ROBO1: variants seen among roughly 807,000 people sequenced by gnomAD.
ROBO1 encodes roundabout homolog 1.
A neutral mutation model predicts 195.9 loss-of-function variants in ROBO1; 149 were observed. The ratio of observed to expected loss-of-function variants is 0.76; its 90% CI spans 0.67 to 0.87. ROBO1 has a LOEUF of 0.87. Ranked by LOEUF, ROBO1 falls within the 40% of genes least tolerant of loss-of-function variation. The probability of loss-of-function intolerance (pLI) is 0.00; values close to 1 mark genes in which losing one functional copy is unlikely to be tolerated. For missense variants in ROBO1, 1,933 were observed against 2,068.3 expected (o/e 0.93, Z 1.27); for synonymous variants, 816 against 733.2 (o/e 1.11, Z -1.82).
intron 4 of ROBO1, among the ~76,000 whole-genome samples, chr3:78,931,594 A>ATT (rs1175640709): frequency 6.6e-6 from 1 of 152,050 alleles, no homozygotes; most frequent in Non-Finnish European, 1.5e-5. Context: ...CAACAGAAGA[A>ATT]CTTTTATCCA....
At chr3:79,432,212 C>T (rs1303933923) in intron 2 of ROBO1, among the ~76,000 whole-genome samples, 2 of 152,066 alleles carry the variant, frequency 1.3e-5, no homozygotes, top group East Asian at 1.9e-4. Context: ...ACAGGCATCT[C>T]TTAGAGTGTC....
At chr3:78,880,428 C>A (rs992193720) in intron 4 of ROBO1, among the ~76,000 whole-genome samples, 1 of 151,960 alleles carries the variant, frequency 6.6e-6, no homozygotes, top group African/African-American at 2.4e-5. Context: ...AGGAACCCAT[C>A]GTCACTTACT....
chr3:79,109,956 T>G (rs2079855572), intron 3 of ROBO1, among the ~76,000 whole-genome samples: 1 of 152,150 alleles, frequency 6.6e-6, no homozygotes, highest in South Asian at 2.1e-4. Flanking sequence ...ACATGCTGAC[T>G]TGGCAATTAT....
intron 1 of ROBO1, among the ~76,000 whole-genome samples, chr3:79,682,681 T>C (rs1376568038): frequency 6.6e-6 from 1 of 152,016 alleles, no homozygotes; most frequent in Non-Finnish European, 1.5e-5. Flanking sequence ...GTAAACAAGA[T>C]GGTTATAGTA....
At chr3:79,685,105 T>A in intron 1 of ROBO1, among the ~76,000 whole-genome samples, 1 of 152,172 alleles carries the variant, frequency 6.6e-6, no homozygotes, top group East Asian at 1.9e-4. Context: ...ACCAATTGTG[T>A]AAAAAATATG....
chr3:78,834,332 C>T (rs953570077), intron 4 of ROBO1, among the ~76,000 whole-genome samples: 6 of 151,086 alleles, frequency 4.0e-5, no homozygotes, highest in South Asian at 2.1e-4. Flanking sequence ...TTGGTGGGAA[C>T]GGCTTAGGTG....
Position 79,192,502 on chromosome 3 carries a change from G to A in ROBO1, c.89-66963C>T, listed in dbSNP as rs1297891845. 2.0e-5 allele frequency among the ~76,000 whole-genome samples: 3 copies of A among 151,674 alleles called. No homozygotes were observed. In the Admixed American group the frequency reaches 2.0e-4, roughly 10 times the overall value. On this transcript the variant is annotated intron_variant, in intron 2 of 30. Transcript: ENST00000464233. ...TCAGAAAAGTCTGCTCTAAGGAAATGAGGTATGAGCTGAGATACAAACAAT... is the reference window on the plus strand; with the variant it reads ...TCAGAAAAGTCTGCTCTAAGGAAATAAGGTATGAGCTGAGATACAAACAAT...
chr3:79,161,337 A>C (rs2108664302), intron 2 of ROBO1, among the ~76,000 whole-genome samples: 1 of 151,680 alleles, frequency 6.6e-6, no homozygotes, highest in East Asian at 1.9e-4. Context: ...AAACAAGTCA[A>C]GTTGATGTAT....
chr3:79,625,518 A>G (rs1009081860), intron 1 of ROBO1, among the ~76,000 whole-genome samples: 2 of 151,546 alleles, frequency 1.3e-5, no homozygotes, highest in Admixed American at 6.6e-5. Flanking sequence ...TTAAAAAGAC[A>G]AAGGAATATC....
chr3:79,170,735 T>C lies in ROBO1; in HGVS notation c.89-45196A>G, dbSNP rs2081151210. On this transcript the variant is annotated intron_variant, in intron 2 of 30. Transcript: ENST00000464233. Reference sequence around the variant, plus strand: ...TTTTTTTTTCTCTTAGGAATTTAAATACATGTTAAATAAGCCTGCCAGTAA... The same window carrying C: ...TTTTTTTTTCTCTTAGGAATTTAAACACATGTTAAATAAGCCTGCCAGTAA... 1.3e-5 allele frequency among the ~76,000 whole-genome samples: 2 copies of C among 152,092 alleles called. 1 individual carries two copies. Among genetic ancestry groups the C allele is most frequent in the South Asian group, 4.1e-4 (2 of 4,836 alleles).
intron 3 of ROBO1, among the ~76,000 whole-genome samples, chr3:78,955,417 T>C (rs1182936228): frequency 6.6e-6 from 1 of 152,124 alleles, no homozygotes; most frequent in East Asian, 1.9e-4. Context: ...TTTGTGTCCA[T>C]GTGTTCTCAT....
rs767826126 is a variant in ROBO1, at chr3:78,668,486, T to C, written c.1628A>G (p.Gln543Arg). ...EATWSAYIEV[Q>R]EFGVPVQPPR... ...GGGAAACACACCATTTACTTTACCT[T>C]GAACTTCAATGTAAGCACTCCATGT... The change falls in exon 12 of 31, where the codon CAA (glutamine) becomes CGA (arginine). Residue 543 changes from glutamine to arginine, a missense_variant and splice_region_variant. Gln to Arg is a conservative substitution (Grantham distance 43, BLOSUM62 1). Around this residue, in one of 3 missense-constraint regions of ROBO1, gnomAD observed 1,737 missense variants for 1,882.5 expected, o/e 0.92. Coordinates refer to ENST00000464233, the MANE Select transcript of ROBO1 (RefSeq NM_002941.4). 1.2e-6 allele frequency: 2 copies of C among 1,613,834 alleles called. No homozygotes were observed. The highest frequency in any genetic ancestry group is 2.2e-5 in the South Asian group (2 of 91,084).
chr3:78,846,358 A>G (rs1445226727), intron 4 of ROBO1, among the ~76,000 whole-genome samples: 12 of 152,062 alleles, frequency 7.9e-5, no homozygotes, highest in Non-Finnish European at 1.6e-4. Context: ...CCATGTTTTT[A>G]TTTTACTGAT....
chr3:79,298,000 C>T (rs971614172), intron 2 of ROBO1, among the ~76,000 whole-genome samples: 1 of 151,902 alleles, frequency 6.6e-6, no homozygotes, highest in Non-Finnish European at 1.5e-5. Flanking sequence ...AGTTCAATGT[C>T]TGGGACTTTA....
chr3:79,422,797 C>A (rs2038283266), intron 2 of ROBO1, among the ~76,000 whole-genome samples: 2 of 152,062 alleles, frequency 1.3e-5, no homozygotes, highest in Admixed American at 1.3e-4. Flanking sequence ...TGTGGTAGTG[C>A]AATATAAAAG....
chr3:79,149,668 C>T (rs2080726075), intron 2 of ROBO1, among the ~76,000 whole-genome samples: 1 of 151,634 alleles, frequency 6.6e-6, no homozygotes, highest in Non-Finnish European at 1.5e-5. Flanking sequence ...TTCTATACTC[C>T]TATAATTAGG....
rs915402211 is a variant in ROBO1, at chr3:79,698,737, A to T, written c.-51+69015T>A. ...TTAATAGAGAGAAAGTATTGCTGGC[A>T]CAATAAAATTTTTTGAGAAATTGAA... On this transcript the variant is annotated intron_variant, in intron 1 of 30. Coordinates refer to ENST00000464233, the MANE Select transcript of ROBO1 (RefSeq NM_002941.4). Among the ~76,000 whole-genome samples the T allele has an allele frequency of 9.2e-5, 14 of 151,594 alleles. No homozygotes were observed. The East Asian group carries it at 2.7e-3, about 29-fold the overall frequency.
chr3:79,471,503 T>C (rs894517899), intron 2 of ROBO1, among the ~76,000 whole-genome samples: 4 of 152,144 alleles, frequency 2.6e-5, no homozygotes, highest in Non-Finnish European at 5.9e-5. Flanking sequence ...CACTATACTA[T>C]GTTAAAGAAT....
chr3:79,267,620 T>C (rs917090432), intron 2 of ROBO1, among the ~76,000 whole-genome samples: 11 of 151,324 alleles, frequency 7.3e-5, no homozygotes, highest in African/African-American at 2.4e-4. Context: ...ATCTCATTTA[T>C]AAGCACTGCA....
Sources: gnomAD v4.1 joint callset for allele counts (sites outside exome capture counted in the v4.1 genomes callset) on GRCh38, gnomAD v4.1.1 for gene constraint, gnomAD v4.1.1 regional missense constraint, MANE v1.5 for transcripts, NCBI Gene and HGNC (gene_info 2026-07-23, HGNC 2026-07-21) for gene names.